Variants in EYA4 observed in about 807,000 individuals in gnomAD.
EYA4 encodes the protein protein phosphatase EYA4.
A neutral mutation model predicts 87.9 loss-of-function variants in EYA4; 31 were observed. The observed-to-expected ratio is 0.35, with a 90% CI of 0.27 to 0.48. EYA4 has a LOEUF of 0.48. EYA4 is among the 20% of genes least tolerant of loss of function. The pLI is 0.99. For synonymous variants in EYA4, 263 were observed against 270.6 expected (o/e 0.97, Z 0.28); for missense variants, 678 against 761.4 (o/e 0.89, Z 1.29).
At chr6:133,435,723 C>A (rs954754674) in intron 3 of EYA4, among the ~76,000 whole-genome samples, 5 of 152,138 alleles carry the variant, frequency 3.3e-5, no homozygotes, top group Non-Finnish European at 5.9e-5. Context: ...TGATACACAG[C>A]AGTGGCATGT....
intron 13 of EYA4, 34 bp downstream of exon 13, chr6:133,483,149 T>C (rs1176754658): frequency 1.2e-5 from 18 of 1,527,644 alleles, no homozygotes; most frequent in Non-Finnish European, 1.5e-5. Flanking sequence ...CCAAGAAATC[T>C]TGTTAAATTT....
At chr6:133,468,158 G>A (rs983376250) in intron 10 of EYA4, among the ~76,000 whole-genome samples, 7 of 151,998 alleles carry the variant, frequency 4.6e-5, no homozygotes, top group African/African-American at 1.7e-4. Context: ...TCTAGGAGGG[G>A]CAGCCCCAAC....
chr6:133,353,054 T>G (rs565470549), intron 2 of EYA4, among the ~76,000 whole-genome samples: 8 of 152,270 alleles, frequency 5.3e-5, no homozygotes, highest in African/African-American at 1.9e-4. Flanking sequence ...AATATCACTG[T>G]GGGTAGTAAT....
At chr6:133,524,967 G>A in intron 18 of EYA4, 187 bp from the exon 19 acceptor site, 1 of 1,474,584 alleles carries the variant, frequency 6.8e-7, no homozygotes. Context: ...GAATCTTTAG[G>A]TTAATGAATG....
intron 2 of EYA4, among the ~76,000 whole-genome samples, chr6:133,365,428 A>G (rs762626283): frequency 1.2e-4 from 18 of 152,310 alleles, no homozygotes; most frequent in Middle Eastern, 6.8e-3. Context: ...TAATTTATGG[A>G]GGTGACTGAG....
At chr6:133,407,111 A>G (rs1426460723) in intron 3 of EYA4, among the ~76,000 whole-genome samples, 2 of 152,150 alleles carry the variant, frequency 1.3e-5, no homozygotes, top group African/African-American at 2.4e-5. Flanking sequence ...TTTGAGATCA[A>G]GTTTTTAATT....
At chr6:133,355,401 T>C (rs911926770) in intron 2 of EYA4, among the ~76,000 whole-genome samples, 9 of 152,196 alleles carry the variant, frequency 5.9e-5, no homozygotes, top group African/African-American at 1.9e-4. Flanking sequence ...TGCAGCACTA[T>C]TCACAATAGC....
intron 3 of EYA4, among the ~76,000 whole-genome samples, chr6:133,408,301 C>T (rs751094844): frequency 2.6e-5 from 4 of 152,150 alleles, no homozygotes; most frequent in Admixed American, 6.5e-5. Context: ...TGGCTGATTC[C>T]ATGCACACTT....
chr6:133,454,521 G>T (rs921990513), intron 5 of EYA4, among the ~76,000 whole-genome samples: 1 of 152,238 alleles, frequency 6.6e-6, no homozygotes, highest in South Asian at 2.1e-4. Context: ...GACTGGGGAC[G>T]TTATTTAACC....
intron 11 of EYA4, 61 bp downstream of exon 11, chr6:133,468,792 G>A: frequency 6.5e-7 from 1 of 1,542,280 alleles, no homozygotes; most frequent in South Asian, 1.1e-5. Flanking sequence ...ATAAAACGGA[G>A]AAAGTGGACA....
intron 1 of EYA4, among the ~76,000 whole-genome samples, chr6:133,249,104 A>G (rs1017452654): frequency 6.6e-6 from 1 of 152,156 alleles, no homozygotes; most frequent in Non-Finnish European, 1.5e-5. Flanking sequence ...GACTTGCAAA[A>G]TTAGAGTGGG....
At chr6:133,303,259 G>A (rs1286216405) in intron 2 of EYA4, among the ~76,000 whole-genome samples, 1 of 152,098 alleles carries the variant, frequency 6.6e-6, no homozygotes, top group East Asian at 1.9e-4. Flanking sequence ...GTGACATACA[G>A]TAATTTTATA....
intron 2 of EYA4, among the ~76,000 whole-genome samples, chr6:133,365,908 C>T (rs1784820493): frequency 6.6e-6 from 1 of 152,152 alleles, no homozygotes; most frequent in Non-Finnish European, 1.5e-5. Context: ...ATAGTCTCTT[C>T]CCATTCAGTG....
intron 9 of EYA4, among the ~76,000 whole-genome samples, chr6:133,464,287 A>T (rs1256814010): frequency 6.6e-6 from 1 of 152,128 alleles, no homozygotes; most frequent in African/African-American, 2.4e-5. Flanking sequence ...ATTCACAGCT[A>T]TTTTTGTTCT....
At chr6:133,249,496 A>G (rs1191168930) in intron 1 of EYA4, among the ~76,000 whole-genome samples, 2 of 152,136 alleles carry the variant, frequency 1.3e-5, no homozygotes, top group East Asian at 3.9e-4. Flanking sequence ...CTATAGGGCA[A>G]ATTCCAAAAT....
At chr6:133,418,971 C>G (rs1789985368) in intron 3 of EYA4, among the ~76,000 whole-genome samples, 1 of 152,162 alleles carries the variant, frequency 6.6e-6, no homozygotes, top group Non-Finnish European at 1.5e-5. Flanking sequence ...CCTCTAGTTT[C>G]TGGGCCACTG....
intron 3 of EYA4, among the ~76,000 whole-genome samples, chr6:133,416,523 G>A (rs1218774899): frequency 1.3e-5 from 2 of 152,148 alleles, no homozygotes; most frequent in African/African-American, 4.8e-5. Context: ...GAGGAGGTTA[G>A]GAGGGGAATG....
rs556263838 is a variant in EYA4 at position 133,478,028 on chromosome 6, A to T, written c.971-3435A>T. ...TTCATAATTACTCATCAAGAAAATTATAATTAAAACCACAGTGAGATACCA... is the reference window on the plus strand; with the variant it reads ...TTCATAATTACTCATCAAGAAAATTTTAATTAAAACCACAGTGAGATACCA... On this transcript the variant is annotated intron_variant, in intron 11 of 19. Transcript: ENST00000355286. Among the ~76,000 whole-genome samples, 5 of 152,254 alleles carry T rather than the reference A, an allele frequency of 3.3e-5. No homozygotes were observed. In the South Asian group the frequency reaches 1.0e-3, roughly 32 times the overall value.
chr6:133,371,583 A>AT (rs1024086970), intron 2 of EYA4, among the ~76,000 whole-genome samples: 3 of 152,090 alleles, frequency 2.0e-5, no homozygotes, highest in African/African-American at 4.8e-5. Flanking sequence ...AGAGAGGCCA[A>AT]TTTTTTATCT....
Sources: allele counts gnomAD v4.1 joint callset (sites outside exome capture counted in the v4.1 genomes callset), GRCh38; gene constraint gnomAD v4.1.1; transcripts MANE v1.5; gene names NCBI Gene and HGNC (gene_info 2026-07-23, HGNC 2026-07-21).